Variants in DPP6 observed in about 807,000 individuals in gnomAD.
The protein encoded by DPP6 is A-type potassium channel modulatory protein DPP6.
A neutral mutation model predicts 122.6 loss-of-function variants in DPP6; 69 were observed. The observed-to-expected ratio is 0.56, with a 90% confidence interval of 0.46 to 0.69. The LOEUF is 0.69. Among genes scored for constraint, DPP6 ranks in the 30% least tolerant of loss-of-function variants. DPP6 has a pLI of 0.00. For synonymous variants in DPP6, 418 were observed against 433.1 expected (o/e 0.97, Z 0.43); for missense variants, 928 against 1,116.9 (o/e 0.83, Z 2.41).
At chr7:154,801,262 A>G in intron 12 of DPP6, 93 bp from the exon 13 acceptor site, 1 of 1,499,258 alleles carries the variant, frequency 6.7e-7, no homozygotes, top group African/African-American at 1.4e-5. Context: ...AATCACATAG[A>G]AAATGTATCT....
At chr7:153,755,865 GCCCT>G in the DPP6 span, among the ~76,000 whole-genome samples, 1 of 152,074 alleles carries the variant, frequency 6.6e-6, no homozygotes, top group South Asian at 2.1e-4. Flanking sequence ...TCTGTAGGAA[GCCCT>G]CCCTCTAAAT....
chr7:154,751,633 T>C (rs1232949963), intron 8 of DPP6, among the ~76,000 whole-genome samples: 1 of 137,666 alleles, frequency 7.3e-6, no homozygotes. Context: ...AAAAAGAAAA[T>C]GAAACTCAAA....
At chr7:154,446,364 C>A in intron 2 of DPP6, 36 bp downstream of exon 2, 1 of 1,535,564 alleles carries the variant, frequency 6.5e-7, no homozygotes, top group Non-Finnish European at 8.9e-7. Flanking sequence ...AAGTCGCTGT[C>A]AGAGAGAAAG....
intron 8 of DPP6, among the ~76,000 whole-genome samples, chr7:154,749,712 T>A (rs1196854399): frequency 5.5e-5 from 2 of 36,636 alleles, no homozygotes; most frequent in African/African-American, 2.0e-4. Flanking sequence ...GGATGGAGGC[T>A]TTACTGAGCG....
chr7:153,887,873 C>T (rs543397788), intron 1 of DPP6: 729 of 915,142 alleles, frequency 8.0e-4, no homozygotes, highest in Non-Finnish European at 1.0e-3. Flanking sequence ...GGCGCTTCTC[C>T]CACTTCCCAC....
chr7:154,632,880 A>G (rs906375094), intron 5 of DPP6, among the ~76,000 whole-genome samples: 2 of 152,224 alleles, frequency 1.3e-5, no homozygotes, highest in Admixed American at 1.3e-4. Context: ...TTAGAGAGAT[A>G]AGAAGCAGAC....
At position 154,123,785 on chromosome 7, in the gene DPP6, G is replaced by A. The variant is rs180813674; in HGVS notation, c.243+70722G>A. ...GGGGACACTCACTATGATTACCTGG[G>A]ACAAATGTGCCGCTCGCTCACGGGG... is the stretch of plus-strand genomic sequence containing the variant. On this transcript the variant is annotated intron_variant, in intron 1 of 25. Transcript: ENST00000377770. 2.3e-4 allele frequency among the ~76,000 whole-genome samples: 26 copies of A among 115,478 alleles called. 2 individuals carry two copies. Among genetic ancestry groups the A allele is most frequent in the Non-Finnish European group, 4.1e-4 (20 of 48,958 alleles). 75.8% of individuals were successfully genotyped at this position (115,478 alleles called of 152,430 possible).
chr7:154,050,316 T>C (rs1450142118), upstream of DPP6, among the ~76,000 whole-genome samples: 1 of 152,244 alleles, frequency 6.6e-6, no homozygotes. Flanking sequence ...GTGGCACATA[T>C]GCTTTATCCC....
chr7:154,851,712 C>T (rs771516655), intron 16 of DPP6, among the ~76,000 whole-genome samples: 2 of 152,172 alleles, frequency 1.3e-5, no homozygotes, highest in Non-Finnish European at 2.9e-5. Context: ...TTAGGTAAAC[C>T]ACAGATAATT....
Position 154,411,017 on chromosome 7 carries a change from A to G in DPP6, c.244-35197A>G, listed in dbSNP as rs140951491. The stretch of plus-strand genomic sequence containing the variant: ...ATGTTCCCTGCCCCAACTCCGTGAA[A>G]AATTTCCATTACATCAGATACTTCT... On this transcript the variant is annotated intron_variant, in intron 1 of 25. Coordinates refer to ENST00000377770, the MANE Select transcript of DPP6 (RefSeq NM_130797.4). Among the ~76,000 whole-genome samples the G allele has an allele frequency of 3.2e-3, 495 of 152,342 alleles. 4 individuals carry two copies. Among genetic ancestry groups the G allele is most frequent in the African/African-American group, 0.011 (473 of 41,586 alleles).
At chr7:154,232,230 C>G (rs1175743392) in intron 1 of DPP6, among the ~76,000 whole-genome samples, 1 of 152,128 alleles carries the variant, frequency 6.6e-6, no homozygotes, top group African/African-American at 2.4e-5. Flanking sequence ...AGGGTACTAT[C>G]CAGTCAAGTG....
chr7:153,868,464 G>A, the DPP6 span, among the ~76,000 whole-genome samples: 1 of 152,114 alleles, frequency 6.6e-6, no homozygotes, highest in Admixed American at 6.6e-5. Context: ...ATTCTCTGAT[G>A]GTAGTTTGTA....
At chr7:154,008,832 T>C (rs373386631) in intron 1 of DPP6, among the ~76,000 whole-genome samples, 1 of 151,760 alleles carries the variant, frequency 6.6e-6, no homozygotes, top group African/African-American at 2.4e-5. Flanking sequence ...CGGCTAATTT[T>C]TTTTTTGTAT....
At chr7:153,969,597 G>T (rs1272630429) in intron 1 of DPP6, among the ~76,000 whole-genome samples, 1 of 148,032 alleles carries the variant, frequency 6.8e-6, no homozygotes. Context: ...TTTCCCCTGA[G>T]ATTGTTTTCC....
rs570760415 is a variant in DPP6 at position 154,241,741 on chromosome 7, T to A, written c.243+188678T>A. 3.3e-5 allele frequency among the ~76,000 whole-genome samples: 5 copies of A among 152,322 alleles called. No homozygotes were observed. The South Asian group carries it at 1.0e-3, about 32-fold the overall frequency. ...GAAGCTAACACGTGTCTAACCTGTTTCCCATATTATGTTTTAAGTTTAAAA... is the reference window on the plus strand; with the variant it reads ...GAAGCTAACACGTGTCTAACCTGTTACCCATATTATGTTTTAAGTTTAAAA... On this transcript the variant is annotated intron_variant, in intron 1 of 25. Coordinates refer to ENST00000377770, the MANE Select transcript of DPP6 (RefSeq NM_130797.4). This position sits in a 1 kb window ranked among gnomAD's most constrained non-coding sequence, Gnocchi z 9.0.
chr7:154,776,307 C>A (rs1421497659), intron 10 of DPP6, among the ~76,000 whole-genome samples: 5 of 151,884 alleles, frequency 3.3e-5, no homozygotes, highest in Non-Finnish European at 7.4e-5. Flanking sequence ...CCTTTCTATC[C>A]CCCCTCACAT....
At chr7:154,789,756 A>G (rs576642554) in intron 10 of DPP6, among the ~76,000 whole-genome samples, 2 of 152,342 alleles carry the variant, frequency 1.3e-5, no homozygotes, top group South Asian at 4.1e-4. Flanking sequence ...AACCTTATAG[A>G]GCAAAAGAAT....
chr7:154,514,552 C>T (rs28736887), intron 3 of DPP6, among the ~76,000 whole-genome samples: 2,795 of 152,194 alleles, frequency 0.018, 81 homozygotes, highest in African/African-American at 0.064. Flanking sequence ...ACTCCCCATT[C>T]CCCCAGCCCC....
the DPP6 span, among the ~76,000 whole-genome samples, chr7:153,837,531 T>C: frequency 3.9e-5 from 6 of 152,200 alleles, no homozygotes; most frequent in Admixed American, 2.6e-4. Flanking sequence ...ATGCTACCTT[T>C]CCAGGAAACC....
Sources: gnomAD v4.1 joint callset for allele counts (sites outside exome capture counted in the v4.1 genomes callset) on GRCh38, gnomAD v4.1.1 for gene constraint, Gnocchi (gnomAD v3.1) non-coding constraint, MANE v1.5 for transcripts, NCBI Gene and HGNC (gene_info 2026-07-23, HGNC 2026-07-21) for gene names.